NOS1: variants seen among roughly 807,000 people sequenced by gnomAD.
NOS1 encodes nitric oxide synthase 1.
A neutral mutation model predicts 164.5 loss-of-function variants in NOS1; 51 were observed. That is an observed-to-expected ratio of 0.31 (90% CI 0.25 to 0.39). The LOEUF is 0.39. Ranked by LOEUF, NOS1 falls within the 10% of genes least tolerant of loss-of-function variation. The pLI is 1.00. For synonymous variants in NOS1, 719 were observed against 745.8 expected (o/e 0.96, Z 0.59); for missense variants, 1,362 against 1,885.6 (o/e 0.72, Z 5.14).
At chr12:117,308,865 G>T (rs1024332016) in intron 3 of NOS1, among the ~76,000 whole-genome samples, 2 of 152,162 alleles carry the variant, frequency 1.3e-5, no homozygotes, top group African/African-American at 4.8e-5. Flanking sequence ...AAAGTGCTGG[G>T]ATTACAGGTG....
intron 5 of NOS1, among the ~76,000 whole-genome samples, chr12:117,286,733 C>T (rs964595909): frequency 3.9e-5 from 6 of 152,082 alleles, no homozygotes; most frequent in African/African-American, 1.4e-4. Context: ...CTCCCATGTC[C>T]CAAGCCTAAA....
intron 13 of NOS1, 104 bp downstream of exon 13, chr12:117,263,785 T>C: frequency 1.2e-6 from 1 of 818,822 alleles, no homozygotes; most frequent in Admixed American, 2.0e-5. Context: ...GAAATCATAT[T>C]CTGTAGAGAG....
rs559741087 is a variant in NOS1 at position 117,228,939 on chromosome 12, G to A, written c.3406-1298C>T. Among the ~76,000 whole-genome samples the A allele has an allele frequency of 3.1e-4, 47 of 151,966 alleles. 3 individuals are homozygous for A. The South Asian group carries it at 8.7e-3, about 28-fold the overall frequency. On this transcript the variant is annotated intron_variant, in intron 22 of 28. Transcript: ENST00000317775. The stretch of plus-strand genomic sequence containing the variant: ...TGGGACTACCGGTGCCCGCCACCAC[G>A]CCCAGCTAATTGTTTGTATTTTTAG...
chr12:117,321,177 T>G (rs1389688591), intron 2 of NOS1, among the ~76,000 whole-genome samples: 1 of 152,054 alleles, frequency 6.6e-6, no homozygotes, highest in African/African-American at 2.4e-5. Context: ...ACCTGGCTGA[T>G]TTTTGTATTT....
Position 117,225,022 on chromosome 12 carries a change from G to T in NOS1, c.3820C>A (p.His1274Asn), listed in dbSNP as rs771340836. ...FWQQRQFDIQHKGMNPCPMVL... is the reference protein window; with the variant it reads ...FWQQRQFDIQNKGMNPCPMVL... The stretch of plus-strand genomic sequence containing the variant: ...CCACTGGACTGTAACCCACCTTTGT[G>T]TTGGATATCAAATTGCCGCTGTTGC... Residue 1274 changes from histidine to asparagine, a missense_variant, in exon 25 of 29, where the codon CAC becomes AAC. Physicochemically the swap from His to Asn is moderately conservative, Grantham distance 68. Transcript: ENST00000317775. 2 of 1,614,192 alleles carry T rather than the reference G, an allele frequency of 1.2e-6. No homozygotes were observed. The highest frequency in any genetic ancestry group is 1.7e-6 in the Non-Finnish European group (2 of 1,180,024).
rs79670459 is a variant in NOS1, at chr12:117,218,460, C to T, written c.4171-296G>A. On this transcript the variant is annotated intron_variant, in intron 27 of 28. Transcript: ENST00000317775. The stretch of plus-strand genomic sequence containing the variant: ...TGGTGGATTCTCAGGTGAAAAGGAG[C>T]GATGAGGTCAAATGGAAACCTCACC... 9.8e-3 allele frequency among the ~76,000 whole-genome samples: 1,490 copies of T among 152,086 alleles called. 25 individuals carry two copies. The highest frequency in any genetic ancestry group is 0.034 in the African/African-American group (1,391 of 41,480).
intron 11 of NOS1, among the ~76,000 whole-genome samples, chr12:117,266,836 C>T (rs1872459372): frequency 1.3e-5 from 2 of 152,170 alleles, no homozygotes; most frequent in Admixed American, 1.3e-4. Context: ...CGGCGCCTGG[C>T]TAGTTTTCAT....
At chr12:117,249,910 C>A (rs545960303) in intron 17 of NOS1, among the ~76,000 whole-genome samples, 1 of 152,286 alleles carries the variant, frequency 6.6e-6, no homozygotes, top group South Asian at 2.1e-4. Flanking sequence ...ACAGCTTCAC[C>A]AATGGGACAA....
At chr12:117,237,471 C>T (rs1445209324) in intron 20 of NOS1, among the ~76,000 whole-genome samples, 1 of 151,856 alleles carries the variant, frequency 6.6e-6, no homozygotes, top group Non-Finnish European at 1.5e-5. Context: ...ACATATGGGC[C>T]ATATGAGAAG....
chr12:117,286,122 G>T lies in NOS1; in HGVS notation c.1272C>A (p.Ile424=), dbSNP rs1874096426. ...CACCTACCTGCAGCTTGGACCACTG[G>T]ATCCTGCCCACACAGCGCGAGGCAT... ...WRNASRCVGR[I]QWSKLQVFDA... is the part of the protein sequence containing the mutation. Residue 424 remains isoleucine (I), a synonymous_variant, in exon 6 of 29, where the codon ATC becomes ATA. Coordinates refer to ENST00000317775, the MANE Select transcript of NOS1 (RefSeq NM_000620.5). The T allele has an allele frequency of 1.2e-6, 2 of 1,614,070 alleles. No homozygotes were observed. The highest frequency in any genetic ancestry group is 3.3e-5 in the Admixed American group (2 of 60,004).
rs1875530524 is a variant in NOS1, at chr12:117,331,197, G to C, written c.-128C>G. On this transcript the variant is annotated 5_prime_UTR_variant, in exon 2 of 29. Coordinates refer to ENST00000317775, the MANE Select transcript of NOS1 (RefSeq NM_000620.5). ...GAGCCGGGGTGACAGGTGCTGACAA[G>C]GCTTCAGCCCTCTCTGTCTTTGACG... The C allele has an allele frequency of 8.3e-7, 1 of 1,210,280 alleles. No individual in the cohort carries two copies. Among genetic ancestry groups the C allele is most frequent in the Non-Finnish European group, 1.2e-6 (1 of 869,328 alleles). The allele number at this position is 1,210,280 out of a possible 1,614,324, so 75.0% of individuals were successfully genotyped here.
chr12:117,308,818 A>G (rs1027085815), intron 3 of NOS1, among the ~76,000 whole-genome samples: 3 of 151,998 alleles, frequency 2.0e-5, no homozygotes, highest in Admixed American at 2.0e-4. Flanking sequence ...GCTGGTCTTG[A>G]ACTCTTGACC....
At chr12:117,267,223 T>C (rs771385554) in intron 11 of NOS1, among the ~76,000 whole-genome samples, 5 of 152,234 alleles carry the variant, frequency 3.3e-5, no homozygotes, top group Non-Finnish European at 5.9e-5. Context: ...GATCTCCTGG[T>C]TGGCCCAGGA....
chr12:117,222,372 C>T (rs1240980208), intron 26 of NOS1, among the ~76,000 whole-genome samples: 1 of 152,166 alleles, frequency 6.6e-6, no homozygotes, highest in Non-Finnish European at 1.5e-5. Flanking sequence ...TCTCCTGCCT[C>T]AGCCTGCCAA....
chr12:117,208,220 A>G lies in NOS1; in HGVS notation c.*7089T>C, dbSNP rs912513894. 216 of 1,187,024 alleles carry G rather than the reference A, an allele frequency of 1.8e-4. No homozygotes were observed. The highest frequency in any genetic ancestry group is 2.3e-4 in the Non-Finnish European group (207 of 913,360). 73.5% of individuals were successfully genotyped at this position (1,187,024 alleles called of 1,614,324 possible). On this transcript the variant is annotated 3_prime_UTR_variant, in exon 29 of 29. Coordinates refer to ENST00000317775, the MANE Select transcript of NOS1 (RefSeq NM_000620.5). ...TTGTTGAATCCCATAAAATTGGAAG[A>G]TGAGAACTATACAGAAGAAGAGCAT...
chr12:117,265,001 C>G (rs1872272644), intron 12 of NOS1, among the ~76,000 whole-genome samples: 2 of 151,492 alleles, frequency 1.3e-5, no homozygotes. Flanking sequence ...CCATGCCCAG[C>G]CTGCTAATTA....
chr12:117,228,066 A>T (rs1357831488), intron 22 of NOS1, among the ~76,000 whole-genome samples: 2 of 152,094 alleles, frequency 1.3e-5, no homozygotes, highest in Admixed American at 6.6e-5. Flanking sequence ...AAAGAAAGGA[A>T]CAAAGAAGGA....
chr12:117,345,836 G>A (rs2136088654), intron 1 of NOS1, among the ~76,000 whole-genome samples: 1 of 152,312 alleles, frequency 6.6e-6, no homozygotes, highest in South Asian at 2.1e-4. Context: ...TCTAGCCTGG[G>A]TGAAAAAGCA....
Position 117,213,533 on chromosome 12 carries a change from T to C in NOS1, c.*1776A>G, listed in dbSNP as rs1297052371. On this transcript the variant is annotated 3_prime_UTR_variant, in exon 29 of 29. Coordinates refer to ENST00000317775, the MANE Select transcript of NOS1 (RefSeq NM_000620.5). ...AGGGATGGCAGAGCAAGGTGAGTCA[T>C]AGATTGCCTTTTCACTTTAACAGTC... is the stretch of plus-strand genomic sequence containing the variant. The C allele has an allele frequency of 1.1e-5, 11 of 985,322 alleles. No individual in the cohort carries two copies. Among genetic ancestry groups the C allele is most frequent in the East Asian group, 2.3e-4 (2 of 8,822 alleles). 61.0% of individuals were successfully genotyped at this position (985,322 alleles called of 1,614,324 possible).
Sources: allele counts gnomAD v4.1 joint callset (sites outside exome capture counted in the v4.1 genomes callset), GRCh38; gene constraint gnomAD v4.1.1; transcripts MANE v1.5; gene names NCBI Gene and HGNC (gene_info 2026-07-23, HGNC 2026-07-21).